The following PLXNA4 variants were observed in gnomAD, a reference collection of about 807,000 sequenced individuals.
PLXNA4 encodes the protein plexin A4.
Under a neutral mutation model 191.8 loss-of-function variants are expected in PLXNA4, and 44 were observed. The ratio of observed to expected loss-of-function variants is 0.23; its 90% CI spans 0.18 to 0.29. The LOEUF (loss-of-function observed/expected upper bound fraction) is 0.29, where lower values mean the gene tolerates loss of function less well. PLXNA4 is among the 10% of genes least tolerant of loss of function. PLXNA4 has a pLI of 1.00. For missense variants in PLXNA4, 1,800 were observed against 2,488.8 expected (o/e 0.72, Z 5.89); for synonymous variants, 1,082 against 1,009.5 (o/e 1.07, Z -1.36).
chr7:132,294,567 G>A (rs994471614), intron 4 of PLXNA4, among the ~76,000 whole-genome samples: 1 of 152,178 alleles, frequency 6.6e-6, no homozygotes, highest in African/African-American at 2.4e-5. Context: ...AGTAGTTGGA[G>A]GGCTATTGCA....
chr7:132,404,518 C>G lies in PLXNA4; in HGVS notation c.1371+84774G>C, dbSNP rs117405455. ...GAACAGGATGGCCACACAACCAACA[C>G]GGCTTGCTGGTGTCACAGTGTCCCT... On this transcript the variant is annotated intron_variant, in intron 3 of 31. Transcript: ENST00000321063. Among the ~76,000 whole-genome samples, 1,005 of 152,272 alleles carry G rather than the reference C, an allele frequency of 6.6e-3. 7 individuals carry two copies. Among genetic ancestry groups the G allele is most frequent in the Middle Eastern group, 0.037 (11 of 294 alleles).
intron 3 of PLXNA4, among the ~76,000 whole-genome samples, chr7:132,373,493 C>G (rs992286314): frequency 1.3e-5 from 2 of 152,186 alleles, no homozygotes; most frequent in Admixed American, 6.5e-5. Flanking sequence ...GTCTGGCCAT[C>G]AGCTCCTCCT....
chr7:132,377,244 C>T (rs777742729), intron 3 of PLXNA4, among the ~76,000 whole-genome samples: 7 of 152,090 alleles, frequency 4.6e-5, no homozygotes, highest in Non-Finnish European at 1.0e-4. Flanking sequence ...AATAACTTCT[C>T]TCCTTTTCCT....
At chr7:132,474,681 G>C (rs1198034184) in intron 3 of PLXNA4, among the ~76,000 whole-genome samples, 1 of 152,120 alleles carries the variant, frequency 6.6e-6, no homozygotes, top group Non-Finnish European at 1.5e-5. Context: ...ATCAGAACTG[G>C]TTAGTGCATC....
intron 5 of PLXNA4, among the ~76,000 whole-genome samples, chr7:132,230,498 T>C (rs924510173): frequency 1.3e-5 from 2 of 152,154 alleles, no homozygotes; most frequent in African/African-American, 2.4e-5. Flanking sequence ...GAAAACCCCC[T>C]CCCAGGAGTG....
At chr7:132,495,339 G>A (rs1017321160) in intron 2 of PLXNA4, among the ~76,000 whole-genome samples, 17 of 152,206 alleles carry the variant, frequency 1.1e-4, no homozygotes, top group African/African-American at 4.1e-4. Context: ...CCATCCCCCT[G>A]TGGGCCAATT....
chr7:132,361,589 T>C (rs1803944651), intron 3 of PLXNA4, among the ~76,000 whole-genome samples: 1 of 152,096 alleles, frequency 6.6e-6, no homozygotes, highest in Admixed American at 6.5e-5. Flanking sequence ...CCTACATTAA[T>C]ATAAGAAAAA....
intron 1 of PLXNA4, among the ~76,000 whole-genome samples, chr7:132,549,431 G>A (rs1800457680): frequency 6.6e-6 from 1 of 152,118 alleles, no homozygotes; most frequent in African/African-American, 2.4e-5. Flanking sequence ...TTCAGACATT[G>A]GAAGTGATTC....
In PLXNA4 at chr7:132,524,394, T is replaced by C. The variant is rs6975113; in HGVS notation, c.-86-15615A>G. Among the ~76,000 whole-genome samples the C allele has an allele frequency of 5.8e-3, 878 of 152,222 alleles. 8 individuals carry two copies. The highest frequency in any genetic ancestry group is 0.021 in the African/African-American group (857 of 41,514). On this transcript the variant is annotated intron_variant, in intron 1 of 31. Coordinates refer to ENST00000321063, the MANE Select transcript of PLXNA4 (RefSeq NM_020911.2). ...AATTCCCAACCAAAGTTAATAACAT[T>C]AAAGGATTGAAAATGGAAAAGGGGA...
intron 3 of PLXNA4, among the ~76,000 whole-genome samples, chr7:132,475,386 G>T (rs1013710476): frequency 4.6e-5 from 7 of 152,188 alleles, no homozygotes; most frequent in South Asian, 4.1e-4. Context: ...AGTGGGAAAT[G>T]AGGACAAAGA....
chr7:132,418,772 A>C (rs1794748533), intron 3 of PLXNA4, among the ~76,000 whole-genome samples: 1 of 152,174 alleles, frequency 6.6e-6, no homozygotes, highest in Admixed American at 6.5e-5. Context: ...GGGAAGAAGA[A>C]CAAAGAGTAA....
At chr7:132,505,370 T>A (rs1356703573) in intron 2 of PLXNA4, among the ~76,000 whole-genome samples, 1 of 152,178 alleles carries the variant, frequency 6.6e-6, no homozygotes, top group Non-Finnish European at 1.5e-5. Context: ...GACGGACGCC[T>A]GCAGCTGATT....
chr7:132,215,585 G>T (rs1431699156), intron 9 of PLXNA4, among the ~76,000 whole-genome samples: 2 of 152,072 alleles, frequency 1.3e-5, no homozygotes, highest in Non-Finnish European at 2.9e-5. Context: ...TGGAGGATGG[G>T]GGTATGTTGC....
chr7:132,472,953 A>G (rs901530054), intron 3 of PLXNA4, among the ~76,000 whole-genome samples: 2 of 152,210 alleles, frequency 1.3e-5, no homozygotes, highest in African/African-American at 4.8e-5. Context: ...TTCGTTTGAG[A>G]TGAGTGACAA....
At chr7:132,475,859 T>C (rs1324257089) in intron 3 of PLXNA4, among the ~76,000 whole-genome samples, 1 of 152,144 alleles carries the variant, frequency 6.6e-6, no homozygotes, top group Admixed American at 6.5e-5. Flanking sequence ...GTCAGGGCAT[T>C]TGACAGCTAA....
chr7:132,304,492 T>C (rs1801432919), intron 3 of PLXNA4, among the ~76,000 whole-genome samples: 2 of 152,228 alleles, frequency 1.3e-5, no homozygotes, highest in South Asian at 4.1e-4. Context: ...TTAGCATGTC[T>C]ACAAGTATAA....
intron 1 of PLXNA4, among the ~76,000 whole-genome samples, chr7:132,565,267 G>T (rs1434872685): frequency 1.3e-5 from 2 of 152,174 alleles, no homozygotes; most frequent in Non-Finnish European, 2.9e-5. Context: ...AGCCCAGAGA[G>T]GGGACTTGCT....
At chr7:132,165,075 A>G in intron 23 of PLXNA4, 59 bp downstream of exon 23, 1 of 1,587,006 alleles carries the variant, frequency 6.3e-7, no homozygotes, top group Non-Finnish European at 8.6e-7. Flanking sequence ...AGCGATCCCC[A>G]GTCAGGCTGC....
intron 21 of PLXNA4, among the ~76,000 whole-genome samples, chr7:132,171,779 G>C (rs954791532): frequency 2.6e-5 from 4 of 152,174 alleles, no homozygotes; most frequent in African/African-American, 9.7e-5. Flanking sequence ...ACAGTGACTC[G>C]TAGGTGGAGG....
Sources: allele counts gnomAD v4.1 joint callset (sites outside exome capture counted in the v4.1 genomes callset), GRCh38; gene constraint gnomAD v4.1.1; transcripts MANE v1.5; gene names NCBI Gene and HGNC (gene_info 2026-07-23, HGNC 2026-07-21).